IGF2: variants seen among roughly 807,000 people sequenced by gnomAD.
The protein encoded by IGF2 is insulin-like growth factor 2.
Under a neutral mutation model 12.0 loss-of-function variants are expected in IGF2, and 2 were observed. The ratio of observed to expected loss-of-function variants is 0.17; its 90% confidence interval spans 0.07 to 0.52. The LOEUF is 0.52. Among genes scored for constraint, IGF2 ranks in the 20% least tolerant of loss-of-function variants. IGF2 has a pLI of 0.95. For synonymous variants in IGF2, 105 were observed against 110.1 expected (o/e 0.95, Z 0.29); for missense variants, 211 against 268.0 (o/e 0.79, Z 1.48).
At chr11:2,146,278 G>C in the IGF2 span, 2 of 534,982 alleles carry the variant, frequency 3.7e-6, no homozygotes, top group East Asian at 5.4e-5. Flanking sequence ...CGCCGTCCGT[G>C]GGACCAAGCC....
At chr11:2,140,496 G>C (rs1178290790), upstream of IGF2, 2 of 575,882 alleles carry the variant, frequency 3.5e-6, no homozygotes, top group African/African-American at 2.0e-5. Context: ...CGCTCCGCGC[G>C]CGCCTCCCGG....
chr11:2,135,558 G>A lies in IGF2; in HGVS notation c.-6-29C>T, dbSNP rs374000564. On this transcript the variant is annotated intron_variant, in intron 1 of 3. Transcript: ENST00000416167. ...GGGGCGGGAGAGAAGTGGCGTGAGCGGGGCAGCCAGGCCAAGCCCCAGGCC... is the reference window on the plus strand; with the variant it reads ...GGGGCGGGAGAGAAGTGGCGTGAGCAGGGCAGCCAGGCCAAGCCCCAGGCC... The A allele has an allele frequency of 2.4e-4, 390 of 1,596,340 alleles. 4 individuals carry two copies. In the South Asian group the frequency reaches 2.9e-3, roughly 12 times the overall value.
At position 2,134,030 on chromosome 11, in the gene IGF2, G is replaced by A. The variant is rs191716861; in HGVS notation, c.158-365C>T. 90 of 417,758 alleles carry A rather than the reference G, an allele frequency of 2.2e-4. 2 individuals carry two copies. The East Asian group carries it at 4.2e-3, about 19-fold the overall frequency. The allele number at this position is 417,758 out of a possible 1,614,324, so 25.9% of individuals were successfully genotyped here. A position where few individuals can be genotyped will look rare whatever the true frequency, so the allele number is the denominator to read the frequency against. ...GAGCCCAGTTCAGGGGCCCCCACAG[G>A]AGGGACTGCTGTCCCTGAGCTTGGA... On this transcript the variant is annotated intron_variant, in intron 2 of 3. Coordinates refer to ENST00000416167, the MANE Select transcript of IGF2 (RefSeq NM_000612.6).
chr11:2,145,507 T>C (rs1335770208), upstream of IGF2, among the ~76,000 whole-genome samples: 1 of 152,226 alleles, frequency 6.6e-6, no homozygotes, highest in African/African-American at 2.4e-5. Context: ...TCTCCTCCTC[T>C]TTGGGGGTGC....
rs1238582626 is a variant in IGF2, at chr11:2,133,684, A to C, written c.158-19T>G. 1 of 1,612,340 alleles carries C rather than the reference A, an allele frequency of 6.2e-7. No homozygotes were observed. Among genetic ancestry groups the C allele is most frequent in the African/African-American group, 1.3e-5 (1 of 74,888 alleles). ...GGCCTGCCTGGAAGTCCCACAGCAC[A>C]GAGAGAGCCGTGTTAGCACCGCACT... is the stretch of plus-strand genomic sequence containing the variant. On this transcript the variant is annotated intron_variant, in intron 2 of 3. Coordinates refer to ENST00000416167, the MANE Select transcript of IGF2 (RefSeq NM_000612.6). This position sits in a 1 kb window ranked among gnomAD's most constrained non-coding sequence, Gnocchi z 8.9.
chr11:2,142,842 C>T (rs1222079436), upstream of IGF2, among the ~76,000 whole-genome samples: 1 of 151,990 alleles, frequency 6.6e-6, no homozygotes, highest in Non-Finnish European at 1.5e-5. The surrounding 1 kb of genome is among the most constrained non-coding windows in gnomAD (Gnocchi z 5.7). Flanking sequence ...TTGGTGTAGC[C>T]CAGAGGGACC....
chr11:2,140,624 C>T (rs763360251), upstream of IGF2: 4 of 526,154 alleles, frequency 7.6e-6, no homozygotes, highest in East Asian at 1.6e-4. Flanking sequence ...GCCGCTTTCC[C>T]CACAAATGAG....
At chr11:2,137,405 T>G (rs1365509498) in intron 1 of IGF2, 1 of 99,966 alleles carries the variant, frequency 1.0e-5, no homozygotes, top group African/African-American at 7.7e-5. Flanking sequence ...GCTCCCGCCC[T>G]CTCCCTCCTC....
At position 2,133,201 on chromosome 11, in the gene IGF2, A is replaced by G. The variant is rs769766130; in HGVS notation, c.329T>C (p.Val110Ala). Residue 110 changes from valine to alanine, a missense_variant, in exon 4 of 4, where the codon GTG (valine) becomes GCG (alanine). Val to Ala is a moderately conservative substitution (Grantham distance 64). Coordinates refer to ENST00000416167, the MANE Select transcript of IGF2 (RefSeq NM_000612.6). This position sits in a 1 kb window ranked among gnomAD's most constrained non-coding sequence, Gnocchi z 8.9. ...VLPDNFPRYP[V>A]GKFFQYDTWK... ...GGTGTCATATTGGAAGAACTTGCCCACGGGGTATCTGGGGAAGTTGTCCTG... is the reference window on the plus strand; with the variant it reads ...GGTGTCATATTGGAAGAACTTGCCCGCGGGGTATCTGGGGAAGTTGTCCTG... 1 of 1,563,468 alleles carries G rather than the reference A, an allele frequency of 6.4e-7. No homozygotes were observed. Among genetic ancestry groups the G allele is most frequent in the South Asian group, 1.2e-5 (1 of 84,378 alleles).
At chr11:2,145,044 C>T (rs1183692864), upstream of IGF2, among the ~76,000 whole-genome samples, 1 of 152,098 alleles carries the variant, frequency 6.6e-6, no homozygotes, top group Admixed American at 6.5e-5. Context: ...CCATTTTCCA[C>T]CCACAGAACA....
In IGF2 at chr11:2,129,543, A is replaced by C; in HGVS notation, c.*3444T>G. 4.4e-6 allele frequency: 1 copy of C among 227,022 alleles called. No individual in the cohort carries two copies. The highest frequency in any genetic ancestry group is 8.8e-6 in the Non-Finnish European group (1 of 113,940). The allele number at this position is 227,022 out of a possible 1,614,324, so 14.1% of individuals were successfully genotyped here. On this transcript the variant is annotated 3_prime_UTR_variant, in exon 4 of 4. Transcript: ENST00000416167. This position sits in a 1 kb window ranked among gnomAD's most constrained non-coding sequence, Gnocchi z 8.1. The stretch of plus-strand genomic sequence containing the variant: ...ACTGGGTGGGTGGGTGTCCTGACGA[A>C]TGGGCAGGTAATTTGGGGTGCCTCG...
In IGF2 at chr11:2,133,531, G is replaced by C; in HGVS notation, c.292C>G (p.Pro98Ala). Reference sequence around the variant, plus strand: ...AGGACCCTCACCGGAAGCACGGTCGGAGGGGTCGACACGTCCCTCTCGGAC... The same window carrying C: ...AGGACCCTCACCGGAAGCACGGTCGCAGGGGTCGACACGTCCCTCTCGGAC... The part of the protein sequence containing the change: ...AKSERDVSTP[P>A]TVLPDNFPRY... Residue 98 changes from proline (P) to alanine (A), a missense_variant, in exon 3 of 4, where the codon CCG becomes GCG. By Grantham distance (27) the Pro-to-Ala change is conservative. This residue lies in a region of IGF2 where 141 missense variants were observed against 153.1 expected (regional missense o/e 0.92). Coordinates refer to ENST00000416167, the MANE Select transcript of IGF2 (RefSeq NM_000612.6). The surrounding 1 kb of genome is among the most constrained non-coding windows in gnomAD (Gnocchi z 8.9). The C allele has an allele frequency of 6.2e-7, 1 of 1,612,172 alleles. No individual in the cohort carries two copies. The highest frequency in any genetic ancestry group is 1.3e-5 in the African/African-American group (1 of 75,000).
the IGF2 span, chr11:2,146,334 G>A: frequency 2.1e-4 from 113 of 535,912 alleles, 1 homozygote; most frequent in African/African-American, 2.0e-3. Flanking sequence ...TCCTCAGAGC[G>A]CCCCTCCGTC....
At position 2,132,055 on chromosome 11, in the gene IGF2, G is replaced by GTATGCTCGTGTGTGTGCTT. The variant is rs1554913019; in HGVS notation, c.*931_*932insAAGCACACACACGAGCATA. ...TGTGCTGTGCGTTTGTGTGTGTGCTGTGCTCGTGTGTGTGCTGTGTTCATG... is the reference window on the plus strand; with the variant it reads ...TGTGCTGTGCGTTTGTGTGTGTGCTGTATGCTCGTGTGTGTGCTTTGCTCGTGTGTGTGCTGTGTTCATG... On this transcript the variant is annotated 3_prime_UTR_variant, in exon 4 of 4. Coordinates refer to ENST00000416167, the MANE Select transcript of IGF2 (RefSeq NM_000612.6). 1.3e-5 allele frequency: 1 copy of GTATGCTCGTGTGTGTGCTT among 76,652 alleles called. No individual in the cohort carries two copies. 4.7% of individuals were successfully genotyped at this position (76,652 alleles called of 1,614,324 possible).
intron 1 of IGF2, among the ~76,000 whole-genome samples, chr11:2,136,202 G>C (rs1052189500): frequency 6.6e-6 from 1 of 152,208 alleles, no homozygotes; most frequent in Non-Finnish European, 1.5e-5. Flanking sequence ...CCATGCTCTA[G>C]AAACCTTGTT....
In IGF2 at chr11:2,130,907, T is replaced by TG. The variant is rs1404171444; in HGVS notation, c.*2079dup. The TG allele has an allele frequency of 3.8e-5, 8 of 209,476 alleles. No homozygotes were observed. Among genetic ancestry groups the TG allele is most frequent in the South Asian group, 1.9e-4 (1 of 5,274 alleles). The allele number at this position is 209,476 out of a possible 1,614,324, so 13.0% of individuals were successfully genotyped here. On this transcript the variant is annotated 3_prime_UTR_variant, in exon 4 of 4. Coordinates refer to ENST00000416167, the MANE Select transcript of IGF2 (RefSeq NM_000612.6). ...AAGATGATCCCTAGGTGTGCTCCGG[T>TG]GGGGGGGTCCCCAAGATCTTCCTTC...
At chr11:2,135,707 G>C (rs1858966147) in intron 1 of IGF2, among the ~76,000 whole-genome samples, 178 bp from the exon 2 acceptor site, 1 of 152,246 alleles carries the variant, frequency 6.6e-6, no homozygotes, top group Non-Finnish European at 1.5e-5. Flanking sequence ...GCCGAGGTGA[G>C]GGCGCAGGGC....
At chr11:2,145,112 A>G (rs924977494), upstream of IGF2, among the ~76,000 whole-genome samples, 1 of 151,560 alleles carries the variant, frequency 6.6e-6, no homozygotes, top group African/African-American at 2.4e-5. Context: ...CCCATGTCCC[A>G]TTCCAAGAAC....
Position 2,139,064 on chromosome 11 carries a change from G to GTT in IGF2, c.-843_-842insAA, listed in dbSNP as rs1859334107. 1 of 3,460 alleles carries GTT rather than the reference G, an allele frequency of 2.9e-4. No individual in the cohort carries two copies. The highest frequency in any genetic ancestry group is 5.5e-4 in the Non-Finnish European group (1 of 1,812). The allele number at this position is 3,460 out of a possible 1,614,324, so 0.2% of individuals were successfully genotyped here. A position where few individuals can be genotyped will look rare whatever the true frequency, so the allele number is the denominator to read the frequency against. Reference sequence around the variant, plus strand: ...GGGGGGAGGGCTGGAGGGGGAGCGCGGGGGGGGGTGACAACGCCGGCGGCC... The same window carrying GTT: ...GGGGGGAGGGCTGGAGGGGGAGCGCGTTGGGGGGGGTGACAACGCCGGCGGCC... On this transcript the variant is annotated 5_prime_UTR_variant, in exon 1 of 4. Transcript: ENST00000416167.
Sources: allele counts gnomAD v4.1 joint callset (sites outside exome capture counted in the v4.1 genomes callset), GRCh38; gene constraint gnomAD v4.1.1; regional missense constraint gnomAD v4.1.1; non-coding constraint Gnocchi (gnomAD v3.1); transcripts MANE v1.5; gene names NCBI Gene and HGNC (gene_info 2026-07-23, HGNC 2026-07-21).